Variants in DLGAP1 observed in about 807,000 individuals in gnomAD.
DLGAP1 encodes DLG associated protein 1, also known as disks large-associated protein 1.
Under a neutral mutation model 90.8 loss-of-function variants are expected in DLGAP1, and 11 were observed. The ratio of observed to expected loss-of-function variants is 0.12; its 90% CI spans 0.08 to 0.20. DLGAP1 has a LOEUF of 0.20. DLGAP1 is among the 10% of genes least tolerant of loss of function. The pLI, the probability that DLGAP1 is intolerant of heterozygous loss-of-function variation, is 1.00. For missense variants in DLGAP1, 1,050 were observed against 1,333.8 expected, an observed-to-expected ratio of 0.79 and a Z score of 3.31; for synonymous variants, 558 against 540.7, an observed-to-expected ratio of 1.03 and a Z score of -0.44.
chr18:3,524,928 G>A (rs762896081), intron 10 of DLGAP1, among the ~76,000 whole-genome samples: 2 of 152,130 alleles, frequency 1.3e-5, no homozygotes, highest in Admixed American at 6.5e-5. Context: ...ACGTGGATCT[G>A]TTTCATTCCT....
chr18:3,944,532 A>G (rs1426583979), intron 3 of DLGAP1, among the ~76,000 whole-genome samples: 1 of 152,030 alleles, frequency 6.6e-6, no homozygotes. Flanking sequence ...GACTGTGGCT[A>G]CTGCTCCCAC....
chr18:3,790,548 A>T (rs914628932), intron 5 of DLGAP1, among the ~76,000 whole-genome samples: 2 of 152,204 alleles, frequency 1.3e-5, no homozygotes, highest in African/African-American at 4.8e-5. Context: ...GATTACAAGC[A>T]TCAGGCATTG....
At chr18:4,034,841 C>A (rs2074861723) in intron 2 of DLGAP1, among the ~76,000 whole-genome samples, 1 of 151,854 alleles carries the variant, frequency 6.6e-6, no homozygotes, top group African/African-American at 2.4e-5. Context: ...TCATAGTAAA[C>A]TTTCAAATGC....
rs371421544 is a variant in DLGAP1 at position 4,085,507 on chromosome 18, G to T, written c.-159+65673C>A. On this transcript the variant is annotated intron_variant, in intron 2 of 12. Transcript: ENST00000315677. ...TTGGGCAAGACTAAGTTTAGATCTA[G>T]TCTACATCCAGAGTTGTCACACAGT... Among the ~76,000 whole-genome samples the T allele has an allele frequency of 1.5e-3, 232 of 152,320 alleles. 4 individuals carry two copies. The South Asian group carries it at 0.028, about 19-fold the overall frequency.
intron 7 of DLGAP1, among the ~76,000 whole-genome samples, chr18:3,662,146 G>A (rs2059707835): frequency 6.6e-6 from 1 of 152,072 alleles, no homozygotes; most frequent in Non-Finnish European, 1.5e-5. Context: ...GGTGCAGGTA[G>A]AGAAAGATGA....
intron 1 of DLGAP1, among the ~76,000 whole-genome samples, chr18:4,333,762 G>A (rs1193539325): frequency 6.6e-6 from 1 of 151,022 alleles, no homozygotes; most frequent in Non-Finnish European, 1.5e-5. Flanking sequence ...TGGAACTACA[G>A]GCGCCCACCA....
At chr18:4,333,682 T>C (rs887717652) in intron 1 of DLGAP1, among the ~76,000 whole-genome samples, 7 of 149,134 alleles carry the variant, frequency 4.7e-5, no homozygotes, top group Admixed American at 2.0e-4. Flanking sequence ...TGCAGTGGTG[T>C]GATCTCGGCT....
intron 5 of DLGAP1, among the ~76,000 whole-genome samples, chr18:3,744,712 A>T (rs1019048240): frequency 1.3e-5 from 2 of 152,114 alleles, no homozygotes; most frequent in Middle Eastern, 3.4e-3. Context: ...CGGCCGGCTA[A>T]TTTTTGTATT....
At position 3,660,598 on chromosome 18, in the gene DLGAP1, A is replaced by G. The variant is rs931852335; in HGVS notation, c.1591+68537T>C. Among the ~76,000 whole-genome samples the G allele has an allele frequency of 2.0e-5, 3 of 152,232 alleles. No homozygotes were observed. Among genetic ancestry groups the G allele is most frequent in the African/African-American group, 7.2e-5 (3 of 41,460 alleles). On this transcript the variant is annotated intron_variant, in intron 7 of 12. Coordinates refer to ENST00000315677, the MANE Select transcript of DLGAP1 (RefSeq NM_004746.4). The surrounding 1 kb of genome is among the most constrained non-coding windows in gnomAD (Gnocchi z 4.2). ...TTCAAATACGTTATTTCAATTATGG[A>G]TGTTATTGAGCTGAGTACTGAGATT...
intron 9 of DLGAP1, among the ~76,000 whole-genome samples, chr18:3,540,796 T>TA (rs2052649688): frequency 1.3e-5 from 2 of 152,258 alleles, no homozygotes; most frequent in African/African-American, 2.4e-5. Context: ...AGGCTTTCTA[T>TA]AAAAAAATTT....
At chr18:4,165,120 A>G (rs1252483856) in intron 1 of DLGAP1, among the ~76,000 whole-genome samples, 2 of 152,222 alleles carry the variant, frequency 1.3e-5, no homozygotes, top group Admixed American at 1.3e-4. Context: ...GGTGAAATAC[A>G]CATATTCACA....
intron 1 of DLGAP1, among the ~76,000 whole-genome samples, chr18:4,191,390 A>T (rs1224012188): frequency 6.6e-6 from 1 of 152,198 alleles, no homozygotes; most frequent in Non-Finnish European, 1.5e-5. Context: ...TATGCTATTA[A>T]TTAGAAGTCT....
intron 1 of DLGAP1, among the ~76,000 whole-genome samples, chr18:4,412,911 T>C (rs1238435353): frequency 6.6e-6 from 1 of 152,216 alleles, no homozygotes; most frequent in Non-Finnish European, 1.5e-5. Flanking sequence ...CAGGCAATGC[T>C]GCGATGCTCA....
intron 1 of DLGAP1, among the ~76,000 whole-genome samples, chr18:4,382,580 T>G (rs972260472): frequency 1.3e-5 from 2 of 151,816 alleles, no homozygotes; most frequent in South Asian, 2.1e-4. Context: ...GGAACAAATC[T>G]GGAGGACAAT....
chr18:3,820,050 G>A (rs7243806), intron 4 of DLGAP1, among the ~76,000 whole-genome samples: 104,014 of 152,096 alleles, frequency 0.68, 35,948 homozygotes, highest in Non-Finnish European at 0.74. Context: ...TCAAAGTGTA[G>A]CTAAATAGAT....
chr18:4,448,934 C>T (rs150009258), intron 1 of DLGAP1, among the ~76,000 whole-genome samples: 2,740 of 152,248 alleles, frequency 0.018, 82 homozygotes, highest in African/African-American at 0.063. Flanking sequence ...CACCTCATCC[C>T]TGTGATCTGA....
chr18:4,024,586 G>A (rs1459457369), intron 2 of DLGAP1, among the ~76,000 whole-genome samples: 1 of 152,164 alleles, frequency 6.6e-6, no homozygotes, highest in East Asian at 1.9e-4. Context: ...AGCAACTCAC[G>A]TGGCCACATC....
At chr18:3,582,946 A>G (rs991543022) in intron 7 of DLGAP1, among the ~76,000 whole-genome samples, 1 of 147,376 alleles carries the variant, frequency 6.8e-6, no homozygotes, top group Non-Finnish European at 1.5e-5. Context: ...AATAGAGAGG[A>G]GGTCTCTCTG....
intron 1 of DLGAP1, among the ~76,000 whole-genome samples, chr18:4,269,841 T>C (rs1252482604): frequency 6.6e-6 from 1 of 152,122 alleles, no homozygotes; most frequent in Non-Finnish European, 1.5e-5. Context: ...CTATGAGTAC[T>C]AGGGGGAGAA....
Sources: gnomAD v4.1 joint callset for allele counts (sites outside exome capture counted in the v4.1 genomes callset) on GRCh38, gnomAD v4.1.1 for gene constraint, Gnocchi (gnomAD v3.1) non-coding constraint, MANE v1.5 for transcripts, NCBI Gene and HGNC (gene_info 2026-07-23, HGNC 2026-07-21) for gene names.